Variants in MTCL1 observed in about 807,000 individuals in gnomAD.
The protein encoded by MTCL1 is microtubule crosslinking factor 1, also known as microtubule cross-linking factor 1.
Under a neutral mutation model 141.4 loss-of-function variants are expected in MTCL1, and 79 were observed. That is an observed-to-expected ratio of 0.56 (90% CI 0.47 to 0.67). MTCL1 has a LOEUF of 0.67. Among genes scored for constraint, MTCL1 ranks in the 30% least tolerant of loss-of-function variants. The pLI is 0.00. For missense variants in MTCL1, 2,177 were observed against 2,113.9 expected (o/e 1.03, Z -0.59); for synonymous variants, 914 against 875.8 (o/e 1.04, Z -0.77).
At chr18:8,762,730 A>G (rs624152) in intron 4 of MTCL1, among the ~76,000 whole-genome samples, 62,808 of 151,946 alleles carry the variant, frequency 0.41, 14,540 homozygotes, top group East Asian at 0.67. Flanking sequence ...ACATCGGCAC[A>G]CACAGCATGG....
rs764905384 is a variant in MTCL1, at chr18:8,828,955, G to A, written c.*9G>A. On this transcript the variant is annotated 3_prime_UTR_variant, in exon 16 of 17. Transcript: ENST00000359865. This position sits in a 1 kb window ranked among gnomAD's most constrained non-coding sequence, Gnocchi z 5.2. ...CCCCCTGGGGACTCTAGCCCTGCCCGCCTCACGCTGTAAGTGCTTCCTTCC... is the reference window on the plus strand; with the variant it reads ...CCCCCTGGGGACTCTAGCCCTGCCCACCTCACGCTGTAAGTGCTTCCTTCC... The A allele has an allele frequency of 4.1e-5, 66 of 1,614,058 alleles. 1 individual carries two copies. Among genetic ancestry groups the A allele is most frequent in the South Asian group, 9.9e-5 (9 of 91,080 alleles).
chr18:8,731,175 T>G (rs1159494964), intron 4 of MTCL1, among the ~76,000 whole-genome samples: 4 of 150,268 alleles, frequency 2.7e-5, no homozygotes, highest in Non-Finnish European at 5.9e-5. Flanking sequence ...AACCCGGGAG[T>G]CAGAGCTTGC....
At chr18:8,815,290 C>T (rs2076614859) in intron 12 of MTCL1, among the ~76,000 whole-genome samples, 1 of 151,502 alleles carries the variant, frequency 6.6e-6, no homozygotes, top group African/African-American at 2.4e-5. Flanking sequence ...TACTATGCAG[C>T]CATAAAAAAG....
At chr18:8,825,881 G>A in exon 15 of MTCL1, 1 of 1,614,008 alleles carries the variant, frequency 6.2e-7, no homozygotes, top group South Asian at 1.1e-5. Context: ...CCGTGGTGCA[G>A]GACCCCTTCC....
At chr18:8,770,187 C>G (rs2096479369) in intron 4 of MTCL1, among the ~76,000 whole-genome samples, 1 of 152,170 alleles carries the variant, frequency 6.6e-6, no homozygotes, top group Non-Finnish European at 1.5e-5. Flanking sequence ...GGCCCATCTC[C>G]AAGTTTAGGG....
At chr18:8,717,080 G>A (rs1029853235), upstream of MTCL1, among the ~76,000 whole-genome samples, 3 of 152,158 alleles carry the variant, frequency 2.0e-5, no homozygotes, top group African/African-American at 7.2e-5. Context: ...TGGCGCACCT[G>A]TGTATTCATT....
intron 4 of MTCL1, among the ~76,000 whole-genome samples, chr18:8,766,822 A>G (rs1020488240): frequency 6.6e-6 from 1 of 152,150 alleles, no homozygotes; most frequent in African/African-American, 2.4e-5. Flanking sequence ...CCCTATGCCC[A>G]TCCTTAGTCC....
At chr18:8,719,638 C>T (rs2096154528) in intron 3 of MTCL1, among the ~76,000 whole-genome samples, 1 of 152,184 alleles carries the variant, frequency 6.6e-6, no homozygotes, top group Non-Finnish European at 1.5e-5. Context: ...TCATAGCTCA[C>T]TGTTACCTCG....
At chr18:8,824,642 G>T (rs2076955300) in intron 14 of MTCL1, 57 bp from the exon 14 acceptor site, 2 of 1,457,034 alleles carry the variant, frequency 1.4e-6, no homozygotes, top group African/African-American at 1.4e-5. Context: ...CATGGGTGTT[G>T]TGGTGTGTCA....
At chr18:8,758,572 T>C (rs1159155101) in intron 4 of MTCL1, among the ~76,000 whole-genome samples, 1 of 152,220 alleles carries the variant, frequency 6.6e-6, no homozygotes, top group African/African-American at 2.4e-5. Context: ...GTGCTTCTGC[T>C]TTAGGATTCT....
intron 16 of MTCL1, chr18:8,829,150 G>A (rs2077119454): frequency 1.0e-6 from 1 of 985,350 alleles, no homozygotes; most frequent in Admixed American, 6.1e-5. Context: ...CATCTGCTCT[G>A]CTAGAGGGTT....
chr18:8,736,376 G>T (rs2148889260), intron 4 of MTCL1, among the ~76,000 whole-genome samples: 1 of 152,274 alleles, frequency 6.6e-6, no homozygotes, highest in South Asian at 2.1e-4. Flanking sequence ...AATACACTTA[G>T]CCTACTGAAT....
chr18:8,796,097 C>T lies in MTCL1; in HGVS notation c.2011-135C>T. On this transcript the variant is annotated intron_variant, in intron 8 of 16. Transcript: ENST00000359865. ...TGAAGCCCTTTATCAAACTGAACTT[C>T]TGGGGACTCCTGTGTTTCACGTCTC... 1.3e-5 allele frequency: 10 copies of T among 791,980 alleles called. No individual in the cohort carries two copies. In the South Asian group the frequency reaches 1.5e-4, roughly 12 times the overall value. 49.1% of individuals were successfully genotyped at this position (791,980 alleles called of 1,614,324 possible). A position where few individuals can be genotyped will look rare whatever the true frequency, so the allele number is the denominator to read the frequency against.
chr18:8,718,944 G>C (rs1284310423), intron 3 of MTCL1, among the ~76,000 whole-genome samples: 1 of 152,140 alleles, frequency 6.6e-6, no homozygotes, highest in East Asian at 1.9e-4. Flanking sequence ...AACTCTGAAA[G>C]ATCTGAAATA....
chr18:8,820,147 T>C (rs535593164), intron 13 of MTCL1, among the ~76,000 whole-genome samples: 25 of 152,092 alleles, frequency 1.6e-4, no homozygotes, highest in South Asian at 4.2e-4. Flanking sequence ...TGGTGGCTCA[T>C]GCCTGTAATC....
At chr18:8,726,472 G>GAGAGA (rs1555629141) in intron 4 of MTCL1, among the ~76,000 whole-genome samples, 7 of 131,622 alleles carry the variant, frequency 5.3e-5, no homozygotes, top group African/African-American at 2.0e-4. Flanking sequence ...GAGAATAAGA[G>GAGAGA]GAGAGAGAGA....
intron 4 of MTCL1, among the ~76,000 whole-genome samples, chr18:8,722,461 A>C (rs186026876): frequency 1.3e-5 from 2 of 152,238 alleles, no homozygotes; most frequent in Non-Finnish European, 2.9e-5. Flanking sequence ...ATAATAGCCT[A>C]CTGTAGACTG....
intron 7 of MTCL1, 35 bp downstream of exon 6, chr18:8,786,126 TC>T (rs912406254): frequency 3.1e-5 from 16 of 519,570 alleles, no homozygotes; most frequent in Middle Eastern, 4.2e-4. Context: ...CCCCCCGCCC[TC>T]CCCCTCCTTT....
At chr18:8,733,092 C>T (rs1198085376) in intron 4 of MTCL1, among the ~76,000 whole-genome samples, 3 of 152,324 alleles carry the variant, frequency 2.0e-5, no homozygotes, top group Middle Eastern at 3.4e-3. Context: ...TCGCATCACA[C>T]GTGGCTCATC....
Sources: gnomAD v4.1 joint callset for allele counts (sites outside exome capture counted in the v4.1 genomes callset) on GRCh38, gnomAD v4.1.1 for gene constraint, Gnocchi (gnomAD v3.1) non-coding constraint, MANE v1.5 for transcripts, NCBI Gene and HGNC (gene_info 2026-07-23, HGNC 2026-07-21) for gene names.